CEP68: variants seen among roughly 807,000 people sequenced by gnomAD.
The protein encoded by CEP68 is centrosomal protein 68.
CEP68 carries 26 observed loss-of-function variants against 55.3 expected under a neutral mutation model. The observed-to-expected ratio is 0.47, with a 90% CI of 0.34 to 0.65. CEP68 has a LOEUF of 0.65. Ranked by LOEUF, CEP68 falls within the 30% of genes least tolerant of loss-of-function variation. CEP68 has a pLI of 0.01. For missense variants in CEP68, 957 were observed against 946.7 expected (o/e 1.01, Z -0.14); for synonymous variants, 402 against 383.2 (o/e 1.05, Z -0.57).
chr2:65,079,062 G>A (rs1355622979), intron 5 of CEP68, among the ~76,000 whole-genome samples: 1 of 152,228 alleles, frequency 6.6e-6, no homozygotes, highest in Non-Finnish European at 1.5e-5. Flanking sequence ...CTGCAAGACT[G>A]TAAATCAAGT....
Position 65,072,670 on chromosome 2 carries a change from A to T in CEP68, c.1574A>T (p.Asp525Val), listed in dbSNP as rs776481763. The T allele has an allele frequency of 1.2e-6, 2 of 1,614,072 alleles. No individual in the cohort carries two copies. The highest frequency in any genetic ancestry group is 4.5e-5 in the East Asian group (2 of 44,874). Residue 525 changes from aspartate (D) to valine (V), a missense_variant, in exon 3 of 7, where the codon GAT becomes GTT. Transcript: ENST00000377990. ...GQSPLEVSDS[D>V]GPASFPSSSS... ...AGCCCCTTGGAAGTGTCAGACAGTG[A>T]TGGGCCAGCTTCCTTCCCTTCAAGC... is the stretch of plus-strand genomic sequence containing the variant.
chr2:65,073,708 G>A (rs1407794300), intron 3 of CEP68: 1 of 159,400 alleles, frequency 6.3e-6, no homozygotes, highest in Non-Finnish European at 1.4e-5. Flanking sequence ...CAGACATGTT[G>A]AAGGTTCAGG....
intron 4 of CEP68, among the ~76,000 whole-genome samples, chr2:65,075,535 T>A (rs1330839578): frequency 6.6e-6 from 1 of 152,210 alleles, no homozygotes; most frequent in Non-Finnish European, 1.5e-5. Context: ...GTTAACTTGG[T>A]CCTAGATTTA....
At chr2:65,071,084 G>T in intron 2 of CEP68, 2 of 255,930 alleles carry the variant, frequency 7.8e-6, no homozygotes, top group South Asian at 5.5e-5. Flanking sequence ...GACGTGTCCT[G>T]TTAGCGACAG....
At chr2:65,079,922 T>C (rs1676929275) in intron 5 of CEP68, among the ~76,000 whole-genome samples, 1 of 152,076 alleles carries the variant, frequency 6.6e-6, no homozygotes, top group Non-Finnish European at 1.5e-5. Context: ...TCACCTGAGA[T>C]CGGGAGTTTG....
At chr2:65,077,835 C>A in intron 4 of CEP68, 33 bp from the exon 5 acceptor site, 1 of 1,518,736 alleles carries the variant, frequency 6.6e-7, no homozygotes, top group Non-Finnish European at 9.1e-7. Context: ...AGTAACGAAG[C>A]TTCTGCCTTT....
rs546281429 is a variant in CEP68, at chr2:65,083,903, C to T, written c.*269C>T. The stretch of plus-strand genomic sequence containing the variant: ...CTTTGCAATTTTTGATAAAATAAGA[C>T]GTGTTGCCTTCCCCTCTATCCCATT... On this transcript the variant is annotated 3_prime_UTR_variant, in exon 7 of 7. Transcript: ENST00000377990. 136 of 152,210 alleles carry T rather than the reference C, an allele frequency of 8.9e-4. No individual in the cohort carries two copies. Among genetic ancestry groups the T allele is most frequent in the Middle Eastern group, 3.4e-3 (1 of 292 alleles). 9.4% of individuals were successfully genotyped at this position (152,210 alleles called of 1,614,324 possible).
chr2:65,057,728 C>A (rs541087825), intron 1 of CEP68, among the ~76,000 whole-genome samples: 1 of 152,192 alleles, frequency 6.6e-6, no homozygotes, highest in Admixed American at 6.5e-5. Context: ...TATTTAACTT[C>A]TTGAGCGAGT....
At chr2:65,076,995 C>T (rs1171642038) in intron 4 of CEP68, among the ~76,000 whole-genome samples, 4 of 118,280 alleles carry the variant, frequency 3.4e-5, no homozygotes, top group African/African-American at 6.5e-5. Flanking sequence ...TTGACTTTAC[C>T]TTTTTTTTTT....
intron 4 of CEP68, among the ~76,000 whole-genome samples, chr2:65,075,900 AC>A (rs1676735277): frequency 6.6e-6 from 1 of 152,016 alleles, no homozygotes; most frequent in Non-Finnish European, 1.5e-5. Flanking sequence ...CCTTCCTGGG[AC>A]CGTACTCCAG....
chr2:65,077,977 A>AG lies in CEP68; in HGVS notation c.2104+15dup. 1 of 1,605,416 alleles carries AG rather than the reference A, an allele frequency of 6.2e-7. No homozygotes were observed. The highest frequency in any genetic ancestry group is 8.5e-7 in the Non-Finnish European group (1 of 1,172,866). ...GAGAACACCCCAGGTGAGATGCTTA[A>AG]GGTTTTGGATTTAGCCAGAGCTTAA... On this transcript the variant is annotated intron_variant, in intron 5 of 6. Coordinates refer to ENST00000377990, the MANE Select transcript of CEP68 (RefSeq NM_015147.3).
intron 4 of CEP68, among the ~76,000 whole-genome samples, chr2:65,077,630 G>A (rs138154851): frequency 1.9e-3 from 286 of 152,320 alleles, no homozygotes; most frequent in Admixed American, 6.8e-3. Context: ...CTCTGTCAGG[G>A]AAGATGCTTC....
In CEP68 at chr2:65,080,090, G is replaced by A. The variant is rs145214525; in HGVS notation, c.2104+2126G>A. Among the ~76,000 whole-genome samples, 1,160 of 151,356 alleles carry A rather than the reference G, an allele frequency of 7.7e-3. 11 individuals are homozygous for A. Among genetic ancestry groups the A allele is most frequent in the Middle Eastern group, 0.041 (12 of 294 alleles). On this transcript the variant is annotated intron_variant, in intron 5 of 6. Coordinates refer to ENST00000377990, the MANE Select transcript of CEP68 (RefSeq NM_015147.3). ...GGAAGTTGCAGCGAGCTGAGATTGC[G>A]CCATTGCACTCCAGCCTGGGCAACA...
intron 6 of CEP68, 134 bp downstream of exon 6, chr2:65,082,843 TAAA>T: frequency 1.4e-6 from 1 of 723,616 alleles, no homozygotes; most frequent in Non-Finnish European, 2.1e-6. Flanking sequence ...CCAATGGTAC[TAAA>T]AAAGGAGTTG....
chr2:65,060,131 T>C (rs1047646394), intron 1 of CEP68, among the ~76,000 whole-genome samples: 1 of 152,156 alleles, frequency 6.6e-6, no homozygotes, highest in African/African-American at 2.4e-5. Flanking sequence ...AGGAAGAAAT[T>C]AGCACAAAAA....
Position 65,086,271 on chromosome 2 carries a change from T to C in CEP68, c.*2637T>C, listed in dbSNP as rs1268584326. The C allele has an allele frequency of 6.6e-6, 1 of 152,214 alleles. No homozygotes were observed. The highest frequency in any genetic ancestry group is 1.9e-4 in the East Asian group (1 of 5,200). 9.4% of individuals were successfully genotyped at this position (152,214 alleles called of 1,614,324 possible). ...TGCAGCTGCTTAGATTTAAGAACAC[T>C]CTTCTTCACTATGTAAACTAATTTA... On this transcript the variant is annotated 3_prime_UTR_variant, in exon 7 of 7. Transcript: ENST00000377990.
chr2:65,069,676 G>C lies in CEP68; in HGVS notation c.232G>C (p.Ala78Pro), dbSNP rs758553208. The C allele has an allele frequency of 8.1e-6, 13 of 1,613,824 alleles. No individual in the cohort carries two copies. The highest frequency in any genetic ancestry group is 3.3e-4 in the Middle Eastern group (2 of 6,084). ...GACTGACCCTGGCGGCCCCTCTAGA[G>C]CCCACCAGCCACAGGCCAGTGATGC... ...IGTDPGGPSR[A>P]HQPQASDANR... The change falls in exon 2 of 7, where the codon GCC becomes CCC. Residue 78 changes from alanine (A) to proline (P), a missense_variant. By Grantham distance (27) the Ala-to-Pro change is conservative (BLOSUM62 -1). Coordinates refer to ENST00000377990, the MANE Select transcript of CEP68 (RefSeq NM_015147.3).
intron 1 of CEP68, among the ~76,000 whole-genome samples, chr2:65,062,522 G>C (rs1203734560): frequency 1.6e-5 from 2 of 123,470 alleles, no homozygotes; most frequent in Admixed American, 9.6e-5. Flanking sequence ...GACAGAGTGA[G>C]ACTCCATCTC....
intron 1 of CEP68, among the ~76,000 whole-genome samples, chr2:65,065,695 G>A (rs1048063725): frequency 2.6e-5 from 4 of 152,242 alleles, no homozygotes; most frequent in Admixed American, 6.5e-5. Context: ...TGAGCCAGGC[G>A]TGGTGGCTCA....
Sources: gnomAD v4.1 joint callset for allele counts (sites outside exome capture counted in the v4.1 genomes callset) on GRCh38, gnomAD v4.1.1 for gene constraint, MANE v1.5 for transcripts, NCBI Gene and HGNC (gene_info 2026-07-23, HGNC 2026-07-21) for gene names.